Variants in LRP1B observed in about 807,000 individuals in gnomAD.
LRP1B encodes the protein LDL receptor related protein 1B.
LRP1B carries 217 observed loss-of-function variants against 556.6 expected under a neutral mutation model. The observed-to-expected ratio is 0.39, with a 90% CI of 0.35 to 0.44. The LOEUF (loss-of-function observed/expected upper bound fraction) is 0.44, where lower values mean the gene tolerates loss of function less well. LRP1B is among the 20% of genes least tolerant of loss of function. The pLI, the probability that LRP1B is intolerant of heterozygous loss-of-function variation, is 1.00. For synonymous variants in LRP1B, 2,047 were observed against 1,865.8 expected (o/e 1.10, Z -2.50); for missense variants, 5,053 against 5,620.8 (o/e 0.90, Z 3.23).
intron 2 of LRP1B, among the ~76,000 whole-genome samples, chr2:141,716,451 ACT>A (rs1324606710): frequency 6.6e-6 from 1 of 152,026 alleles, no homozygotes; most frequent in African/African-American, 2.4e-5. Flanking sequence ...CAGAGGAATG[ACT>A]CTTTTTTTAG....
At chr2:141,031,947 G>T (rs114454601) in intron 11 of LRP1B, among the ~76,000 whole-genome samples, 1 of 151,432 alleles carries the variant, frequency 6.6e-6, no homozygotes, top group Non-Finnish European at 1.5e-5. Flanking sequence ...GTATTTACAC[G>T]GTTACCTATA....
chr2:140,344,928 T>A (rs1681576099), intron 77 of LRP1B, among the ~76,000 whole-genome samples: 1 of 151,670 alleles, frequency 6.6e-6, no homozygotes, highest in African/African-American at 2.4e-5. Flanking sequence ...AAAACACCAA[T>A]AAAATAACTA....
intron 23 of LRP1B, among the ~76,000 whole-genome samples, chr2:140,895,000 G>T (rs1004954078): frequency 6.6e-6 from 1 of 151,854 alleles, no homozygotes; most frequent in Non-Finnish European, 1.5e-5. Context: ...AATCAGATCT[G>T]GGGTGAAAAG....
chr2:141,808,917 AG>A (rs1326740486), intron 2 of LRP1B, among the ~76,000 whole-genome samples: 1 of 152,122 alleles, frequency 6.6e-6, no homozygotes, highest in Non-Finnish European at 1.5e-5. Flanking sequence ...TGTAGCATGT[AG>A]GAGTACTTCA....
At chr2:141,868,756 T>C (rs1698491062) in intron 1 of LRP1B, among the ~76,000 whole-genome samples, 1 of 152,106 alleles carries the variant, frequency 6.6e-6, no homozygotes, top group Non-Finnish European at 1.5e-5. Flanking sequence ...AGATTCTAAC[T>C]TCCAAGTACT....
intron 18 of LRP1B, 67 bp from the exon 19 acceptor site, chr2:140,952,007 A>G (rs2105303270): frequency 8.8e-7 from 1 of 1,131,400 alleles, no homozygotes; most frequent in South Asian, 1.3e-5. Context: ...AATTCGTATC[A>G]TCTGATAATG....
At chr2:140,285,921 T>C (rs1486325802) in intron 84 of LRP1B, among the ~76,000 whole-genome samples, 1 of 151,850 alleles carries the variant, frequency 6.6e-6, no homozygotes, top group African/African-American at 2.4e-5. Flanking sequence ...AATGTGTTTT[T>C]GCTTTTGAAG....
intron 2 of LRP1B, among the ~76,000 whole-genome samples, chr2:141,562,160 G>A (rs1223427102): frequency 6.6e-6 from 1 of 151,972 alleles, no homozygotes; most frequent in Non-Finnish European, 1.5e-5. Context: ...GAAAAAGGAT[G>A]TATAATGGAG....
chr2:141,513,102 TAGAC>T (rs772806511), intron 2 of LRP1B, among the ~76,000 whole-genome samples: 32 of 152,248 alleles, frequency 2.1e-4, no homozygotes, highest in Non-Finnish European at 4.1e-4. Flanking sequence ...CTGAAACTGA[TAGAC>T]AGGTTATCCT....
chr2:142,038,125 T>C (rs550813312), intron 1 of LRP1B, among the ~76,000 whole-genome samples: 2 of 151,742 alleles, frequency 1.3e-5, no homozygotes, highest in South Asian at 4.1e-4. Context: ...TTAAGTTTCA[T>C]CTTATTGAGG....
At chr2:141,485,057 G>GA (rs1326173592) in intron 2 of LRP1B, among the ~76,000 whole-genome samples, 1 of 152,116 alleles carries the variant, frequency 6.6e-6, no homozygotes, top group Admixed American at 6.6e-5. Flanking sequence ...TGAGAAAACA[G>GA]AAAAATATGT....
intron 7 of LRP1B, among the ~76,000 whole-genome samples, chr2:141,170,859 A>G (rs1680473101): frequency 6.6e-6 from 1 of 152,154 alleles, no homozygotes. Context: ...TTGGATTGTA[A>G]CTGAGTGAGA....
intron 32 of LRP1B, among the ~76,000 whole-genome samples, chr2:140,798,878 G>A (rs1690409653): frequency 6.6e-6 from 1 of 152,040 alleles, no homozygotes; most frequent in Non-Finnish European, 1.5e-5. Flanking sequence ...TTTTGACCGT[G>A]ATCAATCCAG....
At chr2:140,622,876 T>C (rs532252888) in intron 41 of LRP1B, among the ~76,000 whole-genome samples, 1 of 152,198 alleles carries the variant, frequency 6.6e-6, no homozygotes, top group Non-Finnish European at 1.5e-5. Context: ...TGTTAACTAC[T>C]GCCCACATTT....
chr2:141,900,225 CAAGTA>C (rs1310819826), intron 1 of LRP1B, among the ~76,000 whole-genome samples: 1 of 151,808 alleles, frequency 6.6e-6, no homozygotes, highest in Non-Finnish European at 1.5e-5. Context: ...ATCCACAAGC[CAAGTA>C]AATAAAATTA....
chr2:141,619,349 C>T (rs1688422313), intron 2 of LRP1B, among the ~76,000 whole-genome samples: 2 of 152,128 alleles, frequency 1.3e-5, no homozygotes, highest in Non-Finnish European at 1.5e-5. Flanking sequence ...TATTTTATTC[C>T]TACATCCAGC....
intron 2 of LRP1B, among the ~76,000 whole-genome samples, chr2:141,530,272 T>C (rs1684824947): frequency 6.6e-6 from 1 of 152,098 alleles, no homozygotes; most frequent in South Asian, 2.1e-4. Flanking sequence ...AGATTATTTC[T>C]CTTCTCTGGA....
chr2:140,243,677 A>C (rs908125939), intron 87 of LRP1B, among the ~76,000 whole-genome samples: 1 of 151,224 alleles, frequency 6.6e-6, no homozygotes, highest in African/African-American at 2.4e-5. Context: ...GTGGTCTTCA[A>C]GAGGCTGCCT....
At chr2:141,901,504 G>A (rs1574477233) in intron 1 of LRP1B, among the ~76,000 whole-genome samples, 1 of 151,804 alleles carries the variant, frequency 6.6e-6, no homozygotes, top group African/African-American at 2.4e-5. Flanking sequence ...AGTATTTACG[G>A]GACTTATTTG....
Sources: gnomAD v4.1 joint callset for allele counts (sites outside exome capture counted in the v4.1 genomes callset) on GRCh38, gnomAD v4.1.1 for gene constraint, MANE v1.5 for transcripts, NCBI Gene and HGNC (gene_info 2026-07-23, HGNC 2026-07-21) for gene names.